Variants in TOP1MT observed in about 807,000 individuals in gnomAD.
TOP1MT encodes the protein DNA topoisomerase I, mitochondrial.
Under a neutral mutation model 73.9 loss-of-function variants are expected in TOP1MT, and 80 were observed. That is an observed-to-expected ratio of 1.08 (90% CI 0.90 to 1.30). TOP1MT has a LOEUF of 1.30. Ranked by LOEUF, TOP1MT falls within the 50% of genes most tolerant of loss-of-function variation. The pLI is 0.00. For missense variants in TOP1MT, 815 were observed against 808.0 expected (o/e 1.01, Z -0.10); for synonymous variants, 338 against 326.4 (o/e 1.04, Z -0.38).
upstream of TOP1MT, among the ~76,000 whole-genome samples, chr8:143,348,151 C>T (rs1309439864): frequency 6.6e-6 from 1 of 152,204 alleles, no homozygotes; most frequent in African/African-American, 2.4e-5. This position sits in a 1 kb window ranked among gnomAD's most constrained non-coding sequence, Gnocchi z 4.6. Context: ...CAGGACAAAG[C>T]CCACTGGTAA....
intron 7 of TOP1MT, among the ~76,000 whole-genome samples, chr8:143,322,580 A>C (rs1816489175): frequency 7.9e-6 from 1 of 125,838 alleles, no homozygotes. Context: ...CGCCACACAC[A>C]TGCACGCCAC....
In TOP1MT at chr8:143,310,074, A is replaced by G. The variant is rs759840706; in HGVS notation, c.1697T>C (p.Ile566Thr). 23 of 1,612,548 alleles carry G rather than the reference A, an allele frequency of 1.4e-5. No homozygotes were observed. Among genetic ancestry groups the G allele is most frequent in the South Asian group, 6.6e-5 (6 of 91,076 alleles). The stretch of plus-strand genomic sequence containing the variant: ...AGACCCCAGGCACACGCACCAGGCA[A>G]TGCTGATCCTGGGGTCCAGGTAGTT... ...KLNYLDPRISIAWCKRFRVPV... is the reference protein window; with the variant it reads ...KLNYLDPRISTAWCKRFRVPV... The change falls in exon 13 of 14, where the codon ATT becomes ACT. Residue 566 changes from isoleucine to threonine, a missense_variant. By Grantham distance (89) the Ile-to-Thr change is moderately conservative. This residue lies in a region of TOP1MT where 751 missense variants were observed against 725.4 expected (regional missense o/e 1.04). Transcript: ENST00000329245.
At chr8:143,343,559 G>A in intron 1 of TOP1MT, 2 of 275,906 alleles carry the variant, frequency 7.2e-6, no homozygotes, top group South Asian at 7.4e-5. Flanking sequence ...CCGGCCTCGG[G>A]AAGAGTGGGC....
At chr8:143,311,515 A>G (rs1397476724) in intron 12 of TOP1MT, among the ~76,000 whole-genome samples, 1 of 152,168 alleles carries the variant, frequency 6.6e-6, no homozygotes, top group African/African-American at 2.4e-5. Context: ...TGGGAGGCCG[A>G]GGCGGGTGGA....
At chr8:143,311,244 C>T (rs1162431736) in intron 12 of TOP1MT, among the ~76,000 whole-genome samples, 1 of 150,230 alleles carries the variant, frequency 6.7e-6, no homozygotes, top group Non-Finnish European at 1.5e-5. Flanking sequence ...GTTGGGATTA[C>T]AGGCATGAGC....
upstream of TOP1MT, among the ~76,000 whole-genome samples, chr8:143,337,978 C>G (rs1005528453): frequency 1.3e-5 from 2 of 152,186 alleles, no homozygotes; most frequent in African/African-American, 4.8e-5. Flanking sequence ...TGTATCACGG[C>G]CCTTTCACAT....
At chr8:143,313,682 C>T (rs754802289) in intron 12 of TOP1MT, among the ~76,000 whole-genome samples, 7 of 151,348 alleles carry the variant, frequency 4.6e-5, no homozygotes, top group Non-Finnish European at 1.0e-4. Flanking sequence ...GGTGAAACCC[C>T]GTCTCTACTA....
At chr8:143,336,737 C>T (rs1816988561), upstream of TOP1MT, among the ~76,000 whole-genome samples, 1 of 152,172 alleles carries the variant, frequency 6.6e-6, no homozygotes, top group South Asian at 2.1e-4. Flanking sequence ...AATCCAAGCA[C>T]TTTGGGAGGT....
At position 143,322,902 on chromosome 8, in the gene TOP1MT, CCACACACGCACGCCA is replaced by C. The variant is rs1250006199; in HGVS notation, c.960+1082_960+1096del. Among the ~76,000 whole-genome samples, 130 of 74,002 alleles carry C rather than the reference CCACACACGCACGCCA, an allele frequency of 1.8e-3. 1 individual carries two copies. Among genetic ancestry groups the C allele is most frequent in the East Asian group, 7.1e-3 (9 of 1,270 alleles). The allele number at this position is 74,002 out of a possible 152,430, so 48.5% of individuals were successfully genotyped here. A position where few individuals can be genotyped will look rare whatever the true frequency, so the allele number is the denominator to read the frequency against. On this transcript the variant is annotated intron_variant, in intron 7 of 13. Coordinates refer to ENST00000329245, the MANE Select transcript of TOP1MT (RefSeq NM_052963.3). ...GCAACACACGCACGCCACACGCACG[CCACACACGCACGCCA>C]CACACGCACGCCACACACAGGCACG...
chr8:143,322,693 C>CAA (rs1433541316), intron 7 of TOP1MT, among the ~76,000 whole-genome samples: 3 of 40,400 alleles, frequency 7.4e-5, no homozygotes, highest in East Asian at 5.5e-4. Context: ...CACACGCACG[C>CAA]CACACGCACG....
chr8:143,314,422 C>T (rs960180069), intron 12 of TOP1MT, among the ~76,000 whole-genome samples: 8 of 151,964 alleles, frequency 5.3e-5, no homozygotes, highest in African/African-American at 1.9e-4. Context: ...ATGGAGAAAC[C>T]CCGTTTCTAC....
In TOP1MT at chr8:143,325,503, G is replaced by A. The variant is rs376583579; in HGVS notation, c.514C>T (p.Gln172Ter). Residue 172 changes from glutamine to a stop codon, truncating the protein, a stop_gained, in exon 5 of 14, where the codon CAA becomes TAA. Transcript: ENST00000329245. LOFTEE classifies it high-confidence loss of function. ...KLKEEAEKLQ[Q>*]EFGYCILDGH... ...TCTAAAATACAGTAGCCGAACTCTT[G>A]CTGAAGTTTTTCTGCCTCTTCTTTT... The A allele has an allele frequency of 7.5e-6, 12 of 1,610,310 alleles. 1 individual carries two copies. The Middle Eastern group carries it at 6.6e-4, about 88-fold the overall frequency.
At chr8:143,342,800 T>G (rs1207634424) in intron 2 of TOP1MT, among the ~76,000 whole-genome samples, 2 of 149,920 alleles carry the variant, frequency 1.3e-5, no homozygotes, top group East Asian at 1.9e-4. Flanking sequence ...ATTATTATTA[T>G]TAGAGACAGA....
intron 9 of TOP1MT, 38 bp downstream of exon 9, chr8:143,317,980 G>T: frequency 6.2e-7 from 1 of 1,611,124 alleles, no homozygotes; most frequent in Non-Finnish European, 8.5e-7. Flanking sequence ...ACTGGGTCCT[G>T]CCGCCGCCCA....
chr8:143,350,769 T>C (rs151338965), intron 1 of TOP1MT, among the ~76,000 whole-genome samples: 93 of 152,362 alleles, frequency 6.1e-4, no homozygotes, highest in African/African-American at 2.0e-3. Context: ...GAACAGACTT[T>C]TTGGTTCTCT....
intron 8 of TOP1MT, among the ~76,000 whole-genome samples, chr8:143,320,943 G>A (rs1022306236): frequency 7.2e-5 from 11 of 151,996 alleles, no homozygotes; most frequent in Non-Finnish European, 1.2e-4. Context: ...TGCTCCGGCC[G>A]GGGGGCAGGA....
chr8:143,334,990 C>G (rs1283828798), upstream of TOP1MT: 2 of 1,021,852 alleles, frequency 2.0e-6, no homozygotes, highest in Non-Finnish European at 2.4e-6. Context: ...CAAGGCTGGG[C>G]GGTCTAAGCC....
chr8:143,322,761 CACGCACGCCACACACAG>C (rs1816521785), intron 7 of TOP1MT, among the ~76,000 whole-genome samples: 1 of 36,320 alleles, frequency 2.8e-5, no homozygotes, highest in Non-Finnish European at 5.1e-5. Flanking sequence ...GCACGCCACA[CACGCACGCCACACACAG>C]GCACGCCACA....
At position 143,324,102 on chromosome 8, in the gene TOP1MT, A is replaced by C; in HGVS notation, c.857T>G (p.Leu286Arg). ...AWQKFETARR[L>R]RGFVDEIRSQ... Reference sequence around the variant, plus strand: ...GCGGATCTCGTCCACAAATCCCCGCAGGCGTCGAGCTGTTTCAAACTTCTG... The same window carrying C: ...GCGGATCTCGTCCACAAATCCCCGCCGGCGTCGAGCTGTTTCAAACTTCTG... The change falls in exon 7 of 14, where the codon CTG becomes CGG. Residue 286 changes from leucine to arginine, a missense_variant. Physicochemically the swap from Leu to Arg is moderately radical, Grantham distance 102. This residue lies in a region of TOP1MT where 751 missense variants were observed against 725.4 expected (regional missense o/e 1.04). Coordinates refer to ENST00000329245, the MANE Select transcript of TOP1MT (RefSeq NM_052963.3). 1 of 1,613,818 alleles carries C rather than the reference A, an allele frequency of 6.2e-7. No homozygotes were observed. Among genetic ancestry groups the C allele is most frequent in the Non-Finnish European group, 8.5e-7 (1 of 1,180,024 alleles).
Sources: gnomAD v4.1 joint callset for allele counts (sites outside exome capture counted in the v4.1 genomes callset) on GRCh38, gnomAD v4.1.1 for gene constraint, gnomAD v4.1.1 regional missense constraint, Gnocchi (gnomAD v3.1) non-coding constraint, MANE v1.5 for transcripts, NCBI Gene and HGNC (gene_info 2026-07-23, HGNC 2026-07-21) for gene names.